PTPRD: variants seen among roughly 807,000 people sequenced by gnomAD.
PTPRD encodes the protein receptor-type tyrosine-protein phosphatase delta.
PTPRD carries 34 observed loss-of-function variants against 214.5 expected under a neutral mutation model. The ratio of observed to expected loss-of-function variants is 0.16; its 90% CI spans 0.12 to 0.21. PTPRD has a LOEUF of 0.21. Among genes scored for constraint, PTPRD ranks in the 10% least tolerant of loss-of-function variants. PTPRD has a pLI of 1.00. For missense variants in PTPRD, 2,545 were observed against 2,398.7 expected (o/e 1.06, Z -1.27); for synonymous variants, 1,128 against 845.7 (o/e 1.33, Z -5.79).
At chr9:10,123,431 C>T (rs1284378244) in intron 3 of PTPRD, among the ~76,000 whole-genome samples, 1 of 152,136 alleles carries the variant, frequency 6.6e-6, no homozygotes, top group African/African-American at 2.4e-5. Context: ...ATAGTATTTG[C>T]TTTTATTTGC....
At chr9:10,156,016 G>C (rs1473044430) in intron 3 of PTPRD, among the ~76,000 whole-genome samples, 1 of 149,940 alleles carries the variant, frequency 6.7e-6, no homozygotes, top group Non-Finnish European at 1.5e-5. Flanking sequence ...AGTTTCAGTA[G>C]GAAACTCTTC....
intron 4 of PTPRD, among the ~76,000 whole-genome samples, chr9:9,970,386 C>G (rs1015264202): frequency 6.9e-6 from 1 of 143,938 alleles, no homozygotes; most frequent in East Asian, 2.0e-4. Flanking sequence ...GGAGGCGGAG[C>G]TTGCAGTGAG....
At chr9:10,386,845 G>A (rs530521895) in intron 2 of PTPRD, among the ~76,000 whole-genome samples, 2 of 151,904 alleles carry the variant, frequency 1.3e-5, no homozygotes, top group Admixed American at 6.6e-5. Flanking sequence ...AAGGGTGCAG[G>A]TGGAATTAAG....
chr9:8,911,685 A>C (rs562342065), intron 11 of PTPRD, among the ~76,000 whole-genome samples: 1 of 152,136 alleles, frequency 6.6e-6, no homozygotes, highest in Non-Finnish European at 1.5e-5. Flanking sequence ...ACTTGAGCAA[A>C]ATTTAATTTT....
At chr9:9,202,673 G>C (rs1284998464) in intron 9 of PTPRD, among the ~76,000 whole-genome samples, 3 of 152,108 alleles carry the variant, frequency 2.0e-5, no homozygotes, top group Non-Finnish European at 2.9e-5. Context: ...CAGTATGAAT[G>C]ACATTTGTAT....
intron 3 of PTPRD, among the ~76,000 whole-genome samples, chr9:10,146,668 T>C (rs778150369): frequency 1.5e-4 from 23 of 152,200 alleles, no homozygotes; most frequent in Non-Finnish European, 3.2e-4. Flanking sequence ...TTGGCTCTAT[T>C]CAACTAGGTA....
At chr9:9,230,357 C>T (rs1013143289) in intron 9 of PTPRD, among the ~76,000 whole-genome samples, 8 of 152,054 alleles carry the variant, frequency 5.3e-5, no homozygotes, top group African/African-American at 1.7e-4. Context: ...GGGAGGGTGG[C>T]GTACCCAGGT....
intron 9 of PTPRD, among the ~76,000 whole-genome samples, chr9:9,351,594 C>T (rs1213108109): frequency 2.0e-5 from 3 of 152,160 alleles, no homozygotes; most frequent in Middle Eastern, 3.4e-3. Context: ...GAACATGTTA[C>T]TGAGTCAGTA....
At chr9:8,336,546 A>G (rs1290729285) in intron 43 of PTPRD, among the ~76,000 whole-genome samples, 4 of 150,582 alleles carry the variant, frequency 2.7e-5, no homozygotes, top group African/African-American at 7.3e-5. Flanking sequence ...CAAAGACTTC[A>G]GGACTAAAAC....
At chr9:8,421,692 C>T (rs950908372) in intron 35 of PTPRD, among the ~76,000 whole-genome samples, 5 of 152,014 alleles carry the variant, frequency 3.3e-5, no homozygotes. Flanking sequence ...CTCCTCAGTG[C>T]CCTTAGTTTC....
intron 9 of PTPRD, among the ~76,000 whole-genome samples, chr9:9,363,975 C>T (rs549265562): frequency 2.0e-5 from 3 of 151,414 alleles, no homozygotes; most frequent in South Asian, 4.2e-4. Flanking sequence ...GTCTGACACA[C>T]GGCATTTTAT....
chr9:8,369,445 C>T (rs984847009), intron 39 of PTPRD, among the ~76,000 whole-genome samples: 2 of 151,408 alleles, frequency 1.3e-5, no homozygotes, highest in Non-Finnish European at 3.0e-5. Context: ...TTTTTACAAC[C>T]CCAAACTGGC....
intron 5 of PTPRD, among the ~76,000 whole-genome samples, chr9:9,893,253 C>T (rs1327878717): frequency 6.6e-6 from 1 of 150,894 alleles, no homozygotes; most frequent in East Asian, 2.0e-4. Flanking sequence ...ATCATGAGGA[C>T]AAGATCAAAT....
chr9:9,807,524 G>A (rs1236179327), intron 5 of PTPRD, among the ~76,000 whole-genome samples: 10 of 152,090 alleles, frequency 6.6e-5, no homozygotes, highest in South Asian at 4.2e-4. Context: ...TTCTCCCCTT[G>A]TTAAGCATTT....
chr9:8,748,840 G>A (rs573566334), intron 11 of PTPRD, among the ~76,000 whole-genome samples: 48 of 152,208 alleles, frequency 3.2e-4, no homozygotes, highest in African/African-American at 1.2e-3. Flanking sequence ...GAACCCAGGA[G>A]CGGGGGTTGT....
At chr9:8,472,947 G>C (rs972730986) in intron 30 of PTPRD, among the ~76,000 whole-genome samples, 1 of 152,134 alleles carries the variant, frequency 6.6e-6, no homozygotes, top group South Asian at 2.1e-4. Context: ...ATACCAGGCT[G>C]TGATATGGGG....
At chr9:10,537,208 A>C (rs979217047) in intron 2 of PTPRD, among the ~76,000 whole-genome samples, 1 of 152,198 alleles carries the variant, frequency 6.6e-6, no homozygotes, top group African/African-American at 2.4e-5. Context: ...TCTTATGTGA[A>C]AGAAATGATT....
chr9:9,032,826 T>G (rs1363131673), intron 10 of PTPRD, among the ~76,000 whole-genome samples: 1 of 152,114 alleles, frequency 6.6e-6, no homozygotes, highest in African/African-American at 2.4e-5. Context: ...AGGGTTGCAG[T>G]GAAGATACTG....
Position 9,781,795 on chromosome 9 carries a change from A to ATTT in PTPRD, c.-367-14945_-367-14944insAAA, listed in dbSNP as rs142718064. Among the ~76,000 whole-genome samples, 493 of 147,330 alleles carry ATTT rather than the reference A, an allele frequency of 3.3e-3. 9 individuals carry two copies. The highest frequency in any genetic ancestry group is 0.01 in the African/African-American group (410 of 39,544). ...TGACTAACATTTTTTGTCTGGACTC[A>ATTT]TATTTTTTTTTTTTTTAGACGGAGT... On this transcript the variant is annotated intron_variant, in intron 5 of 45. Transcript: ENST00000381196.
Sources: allele counts gnomAD v4.1 joint callset (sites outside exome capture counted in the v4.1 genomes callset), GRCh38; gene constraint gnomAD v4.1.1; transcripts MANE v1.5; gene names NCBI Gene and HGNC (gene_info 2026-07-23, HGNC 2026-07-21).